The following SGCZ variants were observed in gnomAD, a reference collection of about 807,000 sequenced individuals.
SGCZ encodes sarcoglycan zeta, also known as zeta-sarcoglycan.
SGCZ carries 40 observed loss-of-function variants against 41.3 expected under a neutral mutation model. That is an observed-to-expected ratio of 0.97 (90% CI 0.75 to 1.26). The LOEUF is 1.26. Ranked by LOEUF, SGCZ falls within the 50% of genes most tolerant of loss-of-function variation. The pLI is 0.00. For synonymous variants in SGCZ, 206 were observed against 137.5 expected (o/e 1.50, Z -3.49); for missense variants, 552 against 369.8 (o/e 1.49, Z -4.04).
At chr8:14,466,665 C>CAGACTCAAT (rs1801059104) in intron 2 of SGCZ, among the ~76,000 whole-genome samples, 3 of 151,804 alleles carry the variant, frequency 2.0e-5, no homozygotes, top group Admixed American at 6.6e-5. Flanking sequence ...TTCTATTCCT[C>CAGACTCAAT]AGACTCAATA....
chr8:14,398,310 T>G (rs1798975714), intron 2 of SGCZ, among the ~76,000 whole-genome samples: 1 of 152,174 alleles, frequency 6.6e-6, no homozygotes. Context: ...GCAACATTGC[T>G]TGAGTTACAT....
At chr8:15,195,937 G>A (rs1314065083) in intron 1 of SGCZ, among the ~76,000 whole-genome samples, 9 of 98,578 alleles carry the variant, frequency 9.1e-5, no homozygotes, top group South Asian at 3.5e-4. Context: ...TCGCTCTGTC[G>A]CCCAGGCTGG....
intron 1 of SGCZ, among the ~76,000 whole-genome samples, chr8:14,695,569 G>A (rs1339148942): frequency 6.6e-6 from 1 of 151,990 alleles, no homozygotes; most frequent in African/African-American, 2.4e-5. Context: ...TGCATATACA[G>A]GTCAGATTTA....
intron 2 of SGCZ, among the ~76,000 whole-genome samples, chr8:14,373,253 C>A (rs1412666790): frequency 6.6e-6 from 1 of 152,222 alleles, no homozygotes; most frequent in Non-Finnish European, 1.5e-5. Flanking sequence ...TTGGCATTCA[C>A]TAAATGGAAA....
At chr8:14,422,551 G>T (rs899397772) in intron 2 of SGCZ, among the ~76,000 whole-genome samples, 1 of 152,150 alleles carries the variant, frequency 6.6e-6, no homozygotes, top group African/African-American at 2.4e-5. Flanking sequence ...AAACTGTAAA[G>T]AAAACTCACA....
chr8:14,851,500 A>G (rs538276196), intron 1 of SGCZ, among the ~76,000 whole-genome samples: 1 of 152,248 alleles, frequency 6.6e-6, no homozygotes, highest in South Asian at 2.1e-4. Flanking sequence ...ATACAACAGT[A>G]CCTTTACCAA....
At position 14,295,855 on chromosome 8, in the gene SGCZ, G is replaced by T. The variant is rs562814986; in HGVS notation, c.336+28248C>A. Among the ~76,000 whole-genome samples the T allele has an allele frequency of 2.0e-5, 3 of 152,220 alleles. No individual in the cohort carries two copies. In the East Asian group the frequency reaches 5.8e-4, roughly 29 times the overall value. On this transcript the variant is annotated intron_variant, in intron 3 of 7. Transcript: ENST00000382080. Reference sequence around the variant, plus strand: ...GGCAGGTAGGGTACTGCACAGGAGGGAACTGCACAGAGAAAGAGCCTCACA... The same window carrying T: ...GGCAGGTAGGGTACTGCACAGGAGGTAACTGCACAGAGAAAGAGCCTCACA...
At chr8:14,233,187 A>G (rs1268395400) in intron 4 of SGCZ, among the ~76,000 whole-genome samples, 1 of 151,984 alleles carries the variant, frequency 6.6e-6, no homozygotes, top group Non-Finnish European at 1.5e-5. Context: ...TCCTTCAGCT[A>G]TAGACTGACA....
chr8:14,759,601 G>A (rs1382216594), intron 1 of SGCZ, among the ~76,000 whole-genome samples: 1 of 152,138 alleles, frequency 6.6e-6, no homozygotes, highest in African/African-American at 2.4e-5. Context: ...TTCATAGAGA[G>A]TCTATTACTG....
chr8:15,174,842 CAT>C (rs1186768713), intron 1 of SGCZ, among the ~76,000 whole-genome samples: 1 of 152,108 alleles, frequency 6.6e-6, no homozygotes, highest in Non-Finnish European at 1.5e-5. Flanking sequence ...TTACTAAAAA[CAT>C]AACACATGCT....
intron 1 of SGCZ, among the ~76,000 whole-genome samples, chr8:15,060,063 A>G (rs1252061894): frequency 6.6e-6 from 1 of 152,178 alleles, no homozygotes; most frequent in Non-Finnish European, 1.5e-5. Context: ...GGGATGAGAA[A>G]ACGTCTCCCT....
At chr8:14,288,895 A>G (rs1800742624) in intron 3 of SGCZ, among the ~76,000 whole-genome samples, 1 of 152,182 alleles carries the variant, frequency 6.6e-6, no homozygotes, top group South Asian at 2.1e-4. Flanking sequence ...ATTTCAACCA[A>G]TAATGTGTGA....
intron 2 of SGCZ, among the ~76,000 whole-genome samples, chr8:14,368,252 A>G (rs1803784457): frequency 6.6e-6 from 1 of 152,074 alleles, no homozygotes; most frequent in African/African-American, 2.4e-5. Context: ...ATTGCATGTT[A>G]TAATTCATAT....
chr8:14,186,583 T>C (rs1804909955), intron 4 of SGCZ, among the ~76,000 whole-genome samples: 1 of 152,180 alleles, frequency 6.6e-6, no homozygotes, highest in South Asian at 2.1e-4. Context: ...GCTTAGTTCC[T>C]AAGCAGAGAT....
chr8:14,930,493 C>T (rs1799893564), intron 1 of SGCZ, among the ~76,000 whole-genome samples: 2 of 151,976 alleles, frequency 1.3e-5, no homozygotes, highest in Non-Finnish European at 2.9e-5. Context: ...TGGGTATATA[C>T]CCAAAGGATT....
At chr8:14,238,840 A>G (rs548692839) in intron 3 of SGCZ, among the ~76,000 whole-genome samples, 10 of 152,088 alleles carry the variant, frequency 6.6e-5, no homozygotes, top group Admixed American at 1.3e-4. Flanking sequence ...AATCTCCTCC[A>G]ATATCATCCT....
At chr8:14,292,185 A>G (rs1249436909) in intron 3 of SGCZ, among the ~76,000 whole-genome samples, 1 of 152,104 alleles carries the variant, frequency 6.6e-6, no homozygotes, top group Non-Finnish European at 1.5e-5. Context: ...TGCAAGACAT[A>G]AATAACAGAC....
Position 15,227,905 on chromosome 8 carries a change from T to C in SGCZ, c.39+9680A>G, listed in dbSNP as rs28642190. ...GATAATTTTCACAATTATAGAAGTC[T>C]ATGAATGTCAAACCAATATACAGCA... On this transcript the variant is annotated intron_variant, in intron 1 of 7. Transcript: ENST00000382080. Among the ~76,000 whole-genome samples the C allele has an allele frequency of 9.2e-3, 1,402 of 152,336 alleles. 18 individuals carry two copies. Among genetic ancestry groups the C allele is most frequent in the Middle Eastern group, 0.034 (10 of 294 alleles).
intron 2 of SGCZ, among the ~76,000 whole-genome samples, chr8:14,549,870 G>A (rs1803746555): frequency 6.6e-6 from 1 of 151,952 alleles, no homozygotes; most frequent in Admixed American, 6.6e-5. Flanking sequence ...TTGTAGCTTA[G>A]GAGGTAACAA....
Sources: allele counts gnomAD v4.1 joint callset (sites outside exome capture counted in the v4.1 genomes callset), GRCh38; gene constraint gnomAD v4.1.1; transcripts MANE v1.5; gene names NCBI Gene and HGNC (gene_info 2026-07-23, HGNC 2026-07-21).